Variants in RNF182 observed in about 807,000 individuals in gnomAD.
RNF182 encodes E3 ubiquitin-protein ligase RNF182.
A neutral mutation model predicts 14.4 loss-of-function variants in RNF182; 15 were observed. That is an observed-to-expected ratio of 1.04 (90% CI 0.70 to 1.60). The LOEUF (loss-of-function observed/expected upper bound fraction) is 1.60. RNF182 is among the 40% of genes most tolerant of loss of function. The probability of loss-of-function intolerance (pLI) is 0.00; values close to 1 mark genes in which losing one functional copy is unlikely to be tolerated. For synonymous variants in RNF182, 128 were observed against 122.9 expected (o/e 1.04, Z -0.27); for missense variants, 268 against 294.8 (o/e 0.91, Z 0.67).
intron 1 of RNF182, among the ~76,000 whole-genome samples, chr6:13,939,621 G>C (rs958131759): frequency 6.6e-6 from 1 of 152,074 alleles, no homozygotes; most frequent in Non-Finnish European, 1.5e-5. Context: ...TGGGCTCGCT[G>C]CAAGCCCTGC....
chr6:13,969,171 A>C (rs1184217248), intron 1 of RNF182, among the ~76,000 whole-genome samples: 1 of 151,740 alleles, frequency 6.6e-6, no homozygotes. Context: ...CTGTCTTAAT[A>C]TTTTTGGCTT....
chr6:13,932,761 A>T (rs2113581604), intron 1 of RNF182, among the ~76,000 whole-genome samples: 1 of 152,352 alleles, frequency 6.6e-6, no homozygotes, highest in South Asian at 2.1e-4. Context: ...TTTAAACGTT[A>T]AAAACATGAC....
intron 1 of RNF182, among the ~76,000 whole-genome samples, chr6:13,937,923 A>G (rs565730113): frequency 6.1e-4 from 90 of 148,302 alleles, no homozygotes; most frequent in Non-Finnish European, 9.2e-4. Flanking sequence ...TTCATGTTTT[A>G]TTAGCCATTT....
At chr6:13,944,686 A>G (rs896782549) in intron 1 of RNF182, among the ~76,000 whole-genome samples, 1 of 152,218 alleles carries the variant, frequency 6.6e-6, no homozygotes, top group Non-Finnish European at 1.5e-5. Context: ...GGTGTGCTAT[A>G]TCTGTTATTT....
intron 1 of RNF182, among the ~76,000 whole-genome samples, chr6:13,936,883 C>T (rs1472298088): frequency 6.6e-6 from 1 of 151,756 alleles, no homozygotes; most frequent in Non-Finnish European, 1.5e-5. Context: ...GCTTAGAATC[C>T]ATTTGAAATA....
intron 1 of RNF182, among the ~76,000 whole-genome samples, chr6:13,960,692 T>TGTGCGCGCGCGC (rs367625022): frequency 5.1e-5 from 7 of 137,694 alleles, no homozygotes; most frequent in African/African-American, 1.8e-4. Context: ...TGTGTGTGTG[T>TGTGCGCGCGCGC]GCGCGCGTGC....
At chr6:13,924,767 C>G (rs1037021089), upstream of RNF182, 3 of 151,760 alleles carry the variant, frequency 2.0e-5, no homozygotes, top group African/African-American at 7.3e-5. Context: ...GAGAGAGGGG[C>G]GTGTTTGTGG....
At chr6:13,949,623 T>G in intron 1 of RNF182, 1 of 374,896 alleles carries the variant, frequency 2.7e-6, no homozygotes, top group Non-Finnish European at 5.0e-6. Flanking sequence ...ATGACGATGA[T>G]TCTTATCAGA....
At chr6:13,952,583 G>A (rs2113616499) in intron 1 of RNF182, among the ~76,000 whole-genome samples, 1 of 152,240 alleles carries the variant, frequency 6.6e-6, no homozygotes, top group East Asian at 1.9e-4. Context: ...AATTGGTGCT[G>A]TGCAGACGAT....
rs376495863 is a variant in RNF182 at position 13,937,115 on chromosome 6, G to T, written c.-367+12092G>T. Among the ~76,000 whole-genome samples, 3 of 152,136 alleles carry T rather than the reference G, an allele frequency of 2.0e-5. No individual in the cohort carries two copies. The East Asian group carries it at 5.8e-4, about 29-fold the overall frequency. ...ACAATCACATTACTTGTTTTGTGTT[G>T]TATGTATCTTGTATAGACATAGGAA... On this transcript the variant is annotated intron_variant, in intron 1 of 2. Coordinates refer to ENST00000488300, the MANE Select transcript of RNF182 (RefSeq NM_152737.4).
intron 1 of RNF182, among the ~76,000 whole-genome samples, chr6:13,956,908 C>T (rs570791948): frequency 1.3e-5 from 2 of 152,052 alleles, no homozygotes; most frequent in Admixed American, 1.3e-4. Flanking sequence ...ACAAGCACCA[C>T]CCCCCGCCCC....
chr6:13,946,465 G>A (rs1759444687), intron 1 of RNF182, among the ~76,000 whole-genome samples: 2 of 152,142 alleles, frequency 1.3e-5, no homozygotes, highest in South Asian at 4.1e-4. Flanking sequence ...GTACCTGACT[G>A]CAAAACTTAT....
chr6:13,943,456 G>T (rs1759349750), intron 1 of RNF182, among the ~76,000 whole-genome samples: 1 of 152,074 alleles, frequency 6.6e-6, no homozygotes, highest in Non-Finnish European at 1.5e-5. Flanking sequence ...TATAAAAATG[G>T]ACTTTCTTTT....
chr6:13,954,098 C>T (rs182531094), intron 1 of RNF182, among the ~76,000 whole-genome samples: 16 of 152,296 alleles, frequency 1.1e-4, no homozygotes, highest in Admixed American at 2.6e-4. Flanking sequence ...TCAGCCTCAA[C>T]AGTGATCAAC....
chr6:13,944,642 A>G (rs990637656), intron 1 of RNF182, among the ~76,000 whole-genome samples: 2 of 152,232 alleles, frequency 1.3e-5, no homozygotes. Flanking sequence ...AATGTCCAGC[A>G]CTGGCTGAGA....
chr6:13,974,121 T>G (rs767176665), intron 1 of RNF182, 89 bp from the exon 2 acceptor site: 5 of 152,172 alleles, frequency 3.3e-5, no homozygotes, highest in Non-Finnish European at 7.3e-5. Flanking sequence ...CATAATAAGA[T>G]AGATGAAACT....
chr6:13,962,474 ACAT>A (rs539181521), intron 1 of RNF182, among the ~76,000 whole-genome samples: 18 of 152,382 alleles, frequency 1.2e-4, no homozygotes, highest in Non-Finnish European at 2.2e-4. Flanking sequence ...AGAATTTAAG[ACAT>A]CATAGAAACT....
At chr6:13,966,151 C>T (rs280189) in intron 1 of RNF182, among the ~76,000 whole-genome samples, 60,223 of 152,050 alleles carry the variant, frequency 0.4, 13,175 homozygotes, top group Middle Eastern at 0.5. Context: ...GCCAGAAAAT[C>T]CCATACATTT....
In RNF182 at chr6:13,978,460, A is replaced by G. The variant is rs192011385; in HGVS notation, c.*597A>G. 1 of 166,766 alleles carries G rather than the reference A, an allele frequency of 6.0e-6. No individual in the cohort carries two copies. The highest frequency in any genetic ancestry group is 2.4e-5 in the African/African-American group (1 of 41,544). The allele number at this position is 166,766 out of a possible 1,614,324, so 10.3% of individuals were successfully genotyped here. A position where few individuals can be genotyped will look rare whatever the true frequency, so the allele number is the denominator to read the frequency against. On this transcript the variant is annotated 3_prime_UTR_variant, in exon 3 of 3. Transcript: ENST00000488300. Reference sequence around the variant, plus strand: ...TTCAACTGAATACCAGTTTTGCCACATTACTAAGGAGAATGAAAAGCACTG... The same window carrying G: ...TTCAACTGAATACCAGTTTTGCCACGTTACTAAGGAGAATGAAAAGCACTG...
Sources: gnomAD v4.1 joint callset for allele counts (sites outside exome capture counted in the v4.1 genomes callset) on GRCh38, gnomAD v4.1.1 for gene constraint, MANE v1.5 for transcripts, NCBI Gene and HGNC (gene_info 2026-07-23, HGNC 2026-07-21) for gene names.